The following HFM1 variants were observed in gnomAD, a reference collection of about 807,000 sequenced individuals.
HFM1 encodes the protein helicase for meiosis 1.
A neutral mutation model predicts 192.1 loss-of-function variants in HFM1; 169 were observed. That is an observed-to-expected ratio of 0.88 (90% CI 0.78 to 1.00). The LOEUF is 1.00. HFM1 is among the 50% of genes least tolerant of loss of function. The probability of loss-of-function intolerance (pLI) is 0.00; values close to 1 mark genes in which losing one functional copy is unlikely to be tolerated. For missense variants in HFM1, 1,661 were observed against 1,668.0 expected, an observed-to-expected ratio of 1.00 and a Z score of 0.07; for synonymous variants, 525 against 537.8, an observed-to-expected ratio of 0.98 and a Z score of 0.33.
Position 91,379,137 on chromosome 1 carries a change from T to C in HFM1, c.1084A>G (p.Lys362Glu). The C allele has an allele frequency of 6.2e-7, 1 of 1,608,710 alleles. No individual in the cohort carries two copies. The highest frequency in any genetic ancestry group is 8.5e-7 in the Non-Finnish European group (1 of 1,176,776). The change falls in exon 9 of 39, where the codon AAA (lysine) becomes GAA (glutamate). Residue 362 changes from lysine (K) to glutamate (E), a missense_variant. By Grantham distance (56) the Lys-to-Glu change is moderately conservative. Coordinates refer to ENST00000370425, the MANE Select transcript of HFM1 (RefSeq NM_001017975.6). Reference protein sequence around the residue: ...EKFGPIGLNCKELTGDTVMDD... With the variant: ...EKFGPIGLNCEELTGDTVMDD... ...ATTACTGTATCTCCAGTAAGTTCTT[T>C]ACAATTCAATCCTATTGGTCCAAAT...
rs1180713834 is a variant in HFM1 at position 91,316,422 on chromosome 1, AT to A, written c.2866del (p.Ile956Ter). 5 of 1,580,014 alleles carry A rather than the reference AT, an allele frequency of 3.2e-6. No individual in the cohort carries two copies. The highest frequency in any genetic ancestry group is 4.3e-6 in the Non-Finnish European group (5 of 1,158,970). ...VNAGLTSFKK[I>X]EETDARELEL... is the part of the protein sequence containing the mutation. ...AAGTTCCCTTGCATCTGTCTCTTCT[AT>A]TTTTTTAAAGGAAGTCAAACCAGCA... On this transcript the variant is annotated frameshift_variant, in exon 26 of 39. Transcript: ENST00000370425. LOFTEE classifies it high-confidence loss of function.
At chr1:91,272,301 A>G (rs1666378946) in intron 34 of HFM1, among the ~76,000 whole-genome samples, 1 of 152,046 alleles carries the variant, frequency 6.6e-6, no homozygotes, top group Non-Finnish European at 1.5e-5. Context: ...TATACTAAAT[A>G]TCAGAGCTAG....
intron 21 of HFM1, among the ~76,000 whole-genome samples, chr1:91,323,796 G>A (rs920469): frequency 0.2 from 30,345 of 151,978 alleles, 3,702 homozygotes; most frequent in South Asian, 0.35. Flanking sequence ...TTAATAGTGG[G>A]TGTTTTCGAC....
intron 20 of HFM1, among the ~76,000 whole-genome samples, chr1:91,340,875 A>T (rs1655236598): frequency 6.6e-6 from 1 of 152,236 alleles, no homozygotes; most frequent in Non-Finnish European, 1.5e-5. Context: ...GAAAAAGTTC[A>T]ACACAACAAA....
intron 30 of HFM1, among the ~76,000 whole-genome samples, chr1:91,296,576 T>G (rs1453922000): frequency 6.6e-6 from 1 of 152,228 alleles, no homozygotes; most frequent in Non-Finnish European, 1.5e-5. Flanking sequence ...AAAACCCTGC[T>G]GAAATTGGGA....
At chr1:91,293,075 C>CAT (rs1668968244) in intron 30 of HFM1, among the ~76,000 whole-genome samples, 3 of 152,120 alleles carry the variant, frequency 2.0e-5, no homozygotes, top group South Asian at 2.1e-4. Context: ...AAGACTTGAA[C>CAT]GTTAGACCTA....
At chr1:91,388,552 C>A (rs771832991) in intron 4 of HFM1, among the ~76,000 whole-genome samples, 16 of 151,916 alleles carry the variant, frequency 1.1e-4, no homozygotes, top group Admixed American at 5.9e-4. Flanking sequence ...TATCTACATG[C>A]AAAAAGAATG....
Position 91,350,723 on chromosome 1 carries a change from G to C in HFM1, c.2206+15C>G. Reference sequence around the variant, plus strand: ...CTTGAAAAAATTACTACTTTTCCAAGTCAAAGTAACAAACCATAATGAGAT... The same window carrying C: ...CTTGAAAAAATTACTACTTTTCCAACTCAAAGTAACAAACCATAATGAGAT... On this transcript the variant is annotated intron_variant, in intron 18 of 38. Transcript: ENST00000370425. The C allele has an allele frequency of 6.2e-7, 1 of 1,608,364 alleles. No homozygotes were observed. The highest frequency in any genetic ancestry group is 8.5e-7 in the Non-Finnish European group (1 of 1,177,552).
intron 4 of HFM1, among the ~76,000 whole-genome samples, chr1:91,392,320 C>T (rs1396765353): frequency 1.3e-5 from 2 of 152,146 alleles, no homozygotes; most frequent in African/African-American, 2.4e-5. Context: ...CGGCACTATT[C>T]GCAATAGCAA....
chr1:91,315,790 C>A, intron 28 of HFM1, 25 bp downstream of exon 28: 2 of 1,560,668 alleles, frequency 1.3e-6, no homozygotes, highest in South Asian at 2.4e-5. Flanking sequence ...GAAATAAGAT[C>A]AAACATCAGA....
rs200863694 is a variant in HFM1 at position 91,350,786 on chromosome 1, G to A, written c.2158C>T (p.Arg720Ter). The change falls in exon 18 of 39, where the codon CGA becomes TGA. Residue 720 changes from arginine to a stop codon, truncating the protein, a stop_gained. Transcript: ENST00000370425. LOFTEE classifies it high-confidence loss of function. ...GCTCTGATATAAAGCAGAGTTGATC[G>A]TATCCATTCCACAGCAATATTCACA... ...TDVNIAVEWI[R>*]STLLYIRALK... 1.1e-5 allele frequency: 17 copies of A among 1,610,362 alleles called. No homozygotes were observed. The highest frequency in any genetic ancestry group is 1.7e-4 in the Middle Eastern group (1 of 6,056).
Position 91,353,152 on chromosome 1 carries a change from T to C in HFM1, c.1730A>G (p.Asp577Gly). The C allele has an allele frequency of 6.2e-7, 1 of 1,602,094 alleles. No homozygotes were observed. The part of the protein sequence containing the change: ...AYSVRDSKLR[D>G]ILKDGAAYHH... Reference sequence around the variant, plus strand: ...ATAAGCAGCACCATCTTTTAAGATATCTGTAATAGAAATATATCAGCTGTT... The same window carrying C: ...ATAAGCAGCACCATCTTTTAAGATACCTGTAATAGAAATATATCAGCTGTT... The change falls in exon 15 of 39, where the codon GAT becomes GGT. Residue 577 changes from aspartate (D) to glycine (G), a missense_variant and splice_region_variant. Coordinates refer to ENST00000370425, the MANE Select transcript of HFM1 (RefSeq NM_001017975.6).
chr1:91,319,987 G>A (rs1651844145), intron 23 of HFM1, among the ~76,000 whole-genome samples: 2 of 152,074 alleles, frequency 1.3e-5, no homozygotes, highest in Admixed American at 6.5e-5. Flanking sequence ...GTTGTTCAAG[G>A]GGAAAAAAGA....
intron 4 of HFM1, among the ~76,000 whole-genome samples, chr1:91,387,638 C>T (rs368887679): frequency 2.1e-4 from 31 of 148,742 alleles, no homozygotes; most frequent in African/African-American, 6.2e-4. Flanking sequence ...AAATTGGAAA[C>T]CATCATTCTC....
chr1:91,351,686 C>G (rs1353757332), intron 16 of HFM1, 43 bp from the exon 17 acceptor site: 1 of 1,043,914 alleles, frequency 9.6e-7, no homozygotes, highest in Non-Finnish European at 1.5e-6. Context: ...AAGAGCACAT[C>G]TTGGTAGCAG....
At chr1:91,268,066 C>T (rs1440783054) in intron 34 of HFM1, among the ~76,000 whole-genome samples, 1 of 152,038 alleles carries the variant, frequency 6.6e-6, no homozygotes, top group Non-Finnish European at 1.5e-5. Context: ...TCAAACACAT[C>T]TTTCAACTAC....
Position 91,380,552 on chromosome 1 carries a change from G to A in HFM1, c.874-316C>T, listed in dbSNP as rs144722889. Among the ~76,000 whole-genome samples, 789 of 152,158 alleles carry A rather than the reference G, an allele frequency of 5.2e-3. 10 individuals carry two copies. Among genetic ancestry groups the A allele is most frequent in the African/African-American group, 0.018 (761 of 41,502 alleles). On this transcript the variant is annotated intron_variant, in intron 7 of 38. Transcript: ENST00000370425. ...GCAGATCACTTGAGGTCAGGAGTTC[G>A]AGACCAGCCTGGCCAACAGAGCAAA...
Position 91,396,277 on chromosome 1 carries a change from A to G in HFM1, c.184+16T>C, listed in dbSNP as rs1176252057. On this transcript the variant is annotated intron_variant, in intron 3 of 38. Transcript: ENST00000370425. ...CTGTATGGGTTTGGCTTCAAAACAA[A>G]TATGTGATAATTTACCTAACAGTTT... The G allele has an allele frequency of 3.1e-6, 4 of 1,286,030 alleles. No homozygotes were observed. The African/African-American group carries it at 4.4e-5, about 14-fold the overall frequency. The allele number at this position is 1,286,030 out of a possible 1,614,324, so 79.7% of individuals were successfully genotyped here.
chr1:91,400,937 G>A, intron 2 of HFM1, 75 bp downstream of exon 2: 2 of 623,940 alleles, frequency 3.2e-6, no homozygotes. Flanking sequence ...TTACCAGAGA[G>A]AAAGCTAAAA....
Sources: gnomAD v4.1 joint callset for allele counts (sites outside exome capture counted in the v4.1 genomes callset) on GRCh38, gnomAD v4.1.1 for gene constraint, MANE v1.5 for transcripts, NCBI Gene and HGNC (gene_info 2026-07-23, HGNC 2026-07-21) for gene names.